ZNF281: variants seen among roughly 807,000 people sequenced by gnomAD.
The protein encoded by ZNF281 is GC-box-binding zinc finger protein 1.
In ZNF281, 2 loss-of-function variants were observed where a neutral mutation model predicts 58.8. The observed-to-expected ratio is 0.03, with a 90% CI of 0.01 to 0.11. The LOEUF (loss-of-function observed/expected upper bound fraction) is 0.11. ZNF281 is among the 10% of genes least tolerant of loss of function. The probability of loss-of-function intolerance (pLI) is 1.00; values close to 1 mark genes in which losing one functional copy is unlikely to be tolerated. For missense variants in ZNF281, 975 were observed against 1,090.7 expected, an observed-to-expected ratio of 0.89 and a Z score of 1.49; for synonymous variants, 465 against 407.7, an observed-to-expected ratio of 1.14 and a Z score of -1.69.
At position 200,407,266 on chromosome 1, in the gene ZNF281, T is replaced by C. The variant is rs777656143; in HGVS notation, c.2440A>G (p.Ile814Val). The part of the protein sequence containing the change: ...QIPSQELASQ[I>V]DPQKDIEPRT... ...GGCTCTATGTCTTTCTGAGGATCTA[T>C]CTGGCTAGCTAACTCCTGAGATGGA... The change falls in exon 2 of 2, where the codon ATA becomes GTA. Residue 814 changes from isoleucine (I) to valine (V), a missense_variant. Physicochemically the swap from Ile to Val is conservative, Grantham distance 29. This residue lies in a region of ZNF281 where 579 missense variants were observed against 608.9 expected (regional missense o/e 0.95). Transcript: ENST00000367353. The C allele has an allele frequency of 1.5e-5, 24 of 1,614,256 alleles. No homozygotes were observed. Among genetic ancestry groups the C allele is most frequent in the Non-Finnish European group, 1.9e-5 (22 of 1,180,052 alleles).
chr1:200,406,807 C>A lies in ZNF281; in HGVS notation c.*211G>T. On this transcript the variant is annotated 3_prime_UTR_variant, in exon 2 of 2. Coordinates refer to ENST00000367353, the MANE Select transcript of ZNF281 (RefSeq NM_001281293.2). Reference sequence around the variant, plus strand: ...TGCTAAACATTGTCACTTTGAATGTCAAACTATTTTTAATCTATTGATTTT... The same window carrying A: ...TGCTAAACATTGTCACTTTGAATGTAAAACTATTTTTAATCTATTGATTTT... 1 of 441,362 alleles carries A rather than the reference C, an allele frequency of 2.3e-6. No homozygotes were observed. The highest frequency in any genetic ancestry group is 3.9e-6 in the Non-Finnish European group (1 of 256,850). The allele number at this position is 441,362 out of a possible 1,614,324, so 27.3% of individuals were successfully genotyped here.
chr1:200,409,367 C>A lies in ZNF281; in HGVS notation c.339G>T (p.Ser113=), dbSNP rs374232799. 7.7e-5 allele frequency: 119 copies of A among 1,536,656 alleles called. 2 individuals carry two copies. The South Asian group carries it at 1.2e-3, about 16-fold the overall frequency. ...EPAASAAAFP[S]QRTSWGFLQS... ...GCAAGAACCCCCAGGAGGTCCTCTG[C>A]GAGGGGAAGGCCGCGGCTGACGCCG... The change falls in exon 2 of 2, where the codon TCG becomes TCT. Residue 113 remains serine, a synonymous_variant. Transcript: ENST00000367353.
At position 200,409,420 on chromosome 1, in the gene ZNF281, G is replaced by C. The variant is rs1467439933; in HGVS notation, c.286C>G (p.Pro96Ala). 6.6e-7 allele frequency: 1 copy of C among 1,522,562 alleles called. No homozygotes were observed. Among genetic ancestry groups the C allele is most frequent in the Non-Finnish European group, 8.8e-7 (1 of 1,132,510 alleles). The allele number at this position is 1,522,562 out of a possible 1,614,324, so 94.3% of individuals were successfully genotyped here. ...GGCTCCTTCTTGAAAGTCATGTCCGGGGCTGGCGGAGGGGGGGGCTCAGCG... is the reference window on the plus strand; with the variant it reads ...GGCTCCTTCTTGAAAGTCATGTCCGCGGCTGGCGGAGGGGGGGGCTCAGCG... Reference protein sequence around the residue: ...PAAEPPPPPAPDMTFKKEPAA... With the variant: ...PAAEPPPPPAADMTFKKEPAA... Residue 96 changes from proline (P) to alanine (A), a missense_variant, in exon 2 of 2, where the codon CCG becomes GCG. Around this residue, in one of 3 missense-constraint regions of ZNF281, gnomAD observed 370 missense variants for 360.9 expected, o/e 1.03. Transcript: ENST00000367353.
chr1:200,409,733 G>A lies in ZNF281; in HGVS notation c.-18-10C>T, dbSNP rs186400979. On this transcript the variant is annotated splice_polypyrimidine_tract_variant and intron_variant, in intron 1 of 1. Coordinates refer to ENST00000367353, the MANE Select transcript of ZNF281 (RefSeq NM_001281293.2). ...CCCGGAGGAGGCCTGGCTGAAGAAA[G>A]GAGGAGGAAGAGGGAAGAGGGAGGA... The A allele has an allele frequency of 5.2e-4, 824 of 1,591,874 alleles. 4 individuals carry two copies. Among genetic ancestry groups the A allele is most frequent in the East Asian group, 8.5e-4 (37 of 43,660 alleles).
Position 200,407,152 on chromosome 1 carries a change from T to C in ZNF281, c.2554A>G (p.Asn852Asp). 3 of 1,614,202 alleles carry C rather than the reference T, an allele frequency of 1.9e-6. No homozygotes were observed. Among genetic ancestry groups the C allele is most frequent in the Non-Finnish European group, 1.7e-6 (2 of 1,180,024 alleles). The stretch of plus-strand genomic sequence containing the variant: ...CTATGGTCCACTTCTCCATTAGAGT[T>C]AGTGATAAAGGTCATTGGCACCCTG... The part of the protein sequence containing the change: ...GSRVPMTFIT[N>D]SNGEVDHRVR... Residue 852 changes from asparagine (N) to aspartate (D), a missense_variant, in exon 2 of 2, where the codon AAC (asparagine) becomes GAC (aspartate). Asn to Asp is a conservative substitution (Grantham distance 23). This residue lies in a region of ZNF281 where 579 missense variants were observed against 608.9 expected (regional missense o/e 0.95). Coordinates refer to ENST00000367353, the MANE Select transcript of ZNF281 (RefSeq NM_001281293.2).
Position 200,407,559 on chromosome 1 carries a change from AAAG to A in ZNF281, c.2144_2146del (p.Pro715del). The A allele has an allele frequency of 1.9e-6, 3 of 1,614,214 alleles. No individual in the cohort carries two copies. The highest frequency in any genetic ancestry group is 2.5e-6 in the Non-Finnish European group (3 of 1,180,038). On this transcript the variant is annotated inframe_deletion, in exon 2 of 2. Coordinates refer to ENST00000367353, the MANE Select transcript of ZNF281 (RefSeq NM_001281293.2). The stretch of plus-strand genomic sequence containing the variant: ...AACAGATTGGCCGAAACCACACTCC[AAAG>A]GAGACGTAGTGTATATTTGTTTTTC...
rs914756851 is a variant in ZNF281 at position 200,409,461 on chromosome 1, G to A, written c.245C>T (p.Thr82Ile). The A allele has an allele frequency of 6.5e-7, 1 of 1,541,988 alleles. No individual in the cohort carries two copies. Among genetic ancestry groups the A allele is most frequent in the Non-Finnish European group, 8.8e-7 (1 of 1,141,694 alleles). ...GGGCTCAGCGGCCGGGGCTGCGGAG[G>A]TAGAGGAGGATAACACGCATTGCGG... ...PPPQCVLSSS[T>I]SAAPAAEPPP... The change falls in exon 2 of 2, where the codon ACC becomes ATC. Residue 82 changes from threonine to isoleucine, a missense_variant. Thr to Ile is a moderately conservative substitution (Grantham distance 89, BLOSUM62 -1). This residue lies in a region of ZNF281 where 370 missense variants were observed against 360.9 expected (regional missense o/e 1.03). Coordinates refer to ENST00000367353, the MANE Select transcript of ZNF281 (RefSeq NM_001281293.2).
rs140983887 is a variant in ZNF281 at position 200,406,278 on chromosome 1, C to CT, written c.*739dup. On this transcript the variant is annotated 3_prime_UTR_variant, in exon 2 of 2. Coordinates refer to ENST00000367353, the MANE Select transcript of ZNF281 (RefSeq NM_001281293.2). ...TTACAGTTGAGATCAAGAGAGGGTGCTTTTTTTTTTTCCTTCTTTTATTAA... is the reference window on the plus strand; with the variant it reads ...TTACAGTTGAGATCAAGAGAGGGTGCTTTTTTTTTTTTCCTTCTTTTATTAA... 1.6e-3 allele frequency: 231 copies of CT among 144,934 alleles called. No individual in the cohort carries two copies. The highest frequency in any genetic ancestry group is 3.2e-3 in the African/African-American group (129 of 39,698). The allele number at this position is 144,934 out of a possible 1,614,324, so 9.0% of individuals were successfully genotyped here.
At position 200,407,446 on chromosome 1, in the gene ZNF281, C is replaced by T. The variant is rs1654483380; in HGVS notation, c.2260G>A (p.Ala754Thr). ...GAAGGTGTCAACTGCTGATGTGTAGCATCCAAAGCAGACAAATAAAGACCT... is the reference window on the plus strand; with the variant it reads ...GAAGGTGTCAACTGCTGATGTGTAGTATCCAAAGCAGACAAATAAAGACCT... ...QPGLYLSALD[A>T]THQQLTPSQE... is the part of the protein sequence containing the mutation. The change falls in exon 2 of 2, where the codon GCT becomes ACT. Residue 754 changes from alanine to threonine, a missense_variant. Coordinates refer to ENST00000367353, the MANE Select transcript of ZNF281 (RefSeq NM_001281293.2). The T allele has an allele frequency of 6.2e-7, 1 of 1,614,052 alleles. No homozygotes were observed. The highest frequency in any genetic ancestry group is 8.5e-7 in the Non-Finnish European group (1 of 1,180,032).
Position 200,410,006 on chromosome 1 carries a change from C to G in ZNF281, c.-79G>C, listed in dbSNP as rs889679517. On this transcript the variant is annotated 5_prime_UTR_variant, in exon 1 of 2. Coordinates refer to ENST00000367353, the MANE Select transcript of ZNF281 (RefSeq NM_001281293.2). ...GTTAATAAAAATAACGCCGTCCTCT[C>G]CACAATGGAATTAAAAGCCTCCCGT... 1.8e-6 allele frequency: 1 copy of G among 551,272 alleles called. No individual in the cohort carries two copies. Among genetic ancestry groups the G allele is most frequent in the Non-Finnish European group, 3.2e-6 (1 of 311,712 alleles). 34.1% of individuals were successfully genotyped at this position (551,272 alleles called of 1,614,324 possible).
In ZNF281 at chr1:200,405,830, A is replaced by G. The variant is rs1228394003; in HGVS notation, c.*1188T>C. 6.6e-6 allele frequency: 1 copy of G among 150,936 alleles called. No individual in the cohort carries two copies. The highest frequency in any genetic ancestry group is 1.5e-5 in the Non-Finnish European group (1 of 67,860). 9.3% of individuals were successfully genotyped at this position (150,936 alleles called of 1,614,324 possible). A position where few individuals can be genotyped will look rare whatever the true frequency, so the allele number is the denominator to read the frequency against. ...ACCTTATTAATATCTATCCAAGAACACGGGGTTTTATTACATATGGAAATC... is the reference window on the plus strand; with the variant it reads ...ACCTTATTAATATCTATCCAAGAACGCGGGGTTTTATTACATATGGAAATC... On this transcript the variant is annotated 3_prime_UTR_variant, in exon 2 of 2. Transcript: ENST00000367353.
At position 200,407,828 on chromosome 1, in the gene ZNF281, G is replaced by A. The variant is rs1654495183; in HGVS notation, c.1878C>T (p.Phe626=). The change falls in exon 2 of 2, where the codon TTC becomes TTT. Residue 626 remains phenylalanine, a synonymous_variant. Coordinates refer to ENST00000367353, the MANE Select transcript of ZNF281 (RefSeq NM_001281293.2). ...NKSESQKEDP[F]NIAEPRVDLH... is the part of the protein sequence containing the mutation. Reference sequence around the variant, plus strand: ...AATCCACTCGTGGTTCTGCAATATTGAAAGGATCCTCTTTCTGGCTTTCTG... The same window carrying A: ...AATCCACTCGTGGTTCTGCAATATTAAAAGGATCCTCTTTCTGGCTTTCTG... 1.2e-6 allele frequency: 2 copies of A among 1,613,978 alleles called. No homozygotes were observed. Among genetic ancestry groups the A allele is most frequent in the South Asian group, 1.1e-5 (1 of 91,092 alleles).
chr1:200,405,893 G>A lies in ZNF281; in HGVS notation c.*1125C>T, dbSNP rs1272531298. 6.6e-6 allele frequency: 1 copy of A among 151,610 alleles called. No individual in the cohort carries two copies. Among genetic ancestry groups the A allele is most frequent in the Non-Finnish European group, 1.5e-5 (1 of 67,934 alleles). The allele number at this position is 151,610 out of a possible 1,614,324, so 9.4% of individuals were successfully genotyped here. A position where few individuals can be genotyped will look rare whatever the true frequency, so the allele number is the denominator to read the frequency against. ...TTTTTTTTTAAAGGTGGGTTTTGGG[G>A]ATGTTTACCCTATTGTTTTTTATTT... On this transcript the variant is annotated 3_prime_UTR_variant, in exon 2 of 2. Transcript: ENST00000367353.
At position 200,407,262 on chromosome 1, in the gene ZNF281, T is replaced by A; in HGVS notation, c.2444A>T (p.Asp815Val). ...IPSQELASQIDPQKDIEPRTT... is the reference protein window; with the variant it reads ...IPSQELASQIVPQKDIEPRTT... ...TCTAGGCTCTATGTCTTTCTGAGGA[T>A]CTATCTGGCTAGCTAACTCCTGAGA... is the stretch of plus-strand genomic sequence containing the variant. Residue 815 changes from aspartate to valine, a missense_variant, in exon 2 of 2, where the codon GAT (aspartate) becomes GTT (valine). Physicochemically the swap from Asp to Val is radical, Grantham distance 152 (BLOSUM62 -3). Coordinates refer to ENST00000367353, the MANE Select transcript of ZNF281 (RefSeq NM_001281293.2). 5 of 1,614,214 alleles carry A rather than the reference T, an allele frequency of 3.1e-6. No homozygotes were observed. The highest frequency in any genetic ancestry group is 4.2e-6 in the Non-Finnish European group (5 of 1,180,042).
chr1:200,408,336 T>C lies in ZNF281; in HGVS notation c.1370A>G (p.Glu457Gly), dbSNP rs1654514104. ...CAATTTTGGCACCCTCTTCTGCAGT[T>C]CATCTATTCCAGTGCCAATTATGCC... ...SGGIIGTGID[E>G]LQKRVPKLIF... Residue 457 changes from glutamate to glycine, a missense_variant, in exon 2 of 2, where the codon GAA becomes GGA. Glu to Gly is a moderately conservative substitution (Grantham distance 98). Coordinates refer to ENST00000367353, the MANE Select transcript of ZNF281 (RefSeq NM_001281293.2). 6.2e-7 allele frequency: 1 copy of C among 1,613,578 alleles called. No individual in the cohort carries two copies. The highest frequency in any genetic ancestry group is 1.3e-5 in the African/African-American group (1 of 74,938).
At chr1:200,409,829 C>T (rs1327820747) in intron 1 of ZNF281, 106 bp from the exon 2 acceptor site, 2 of 1,380,880 alleles carry the variant, frequency 1.4e-6, no homozygotes, top group East Asian at 2.5e-5. Flanking sequence ...GCCGCCCAGA[C>T]CGCAACGCGC....
chr1:200,408,375 A>T lies in ZNF281; in HGVS notation c.1331T>A (p.Val444Glu). The part of the protein sequence containing the change: ...MQSYSVEMPT[V>E]SSSGGIIGTG... The stretch of plus-strand genomic sequence containing the variant: ...GCCAATTATGCCTCCACTGGAAGAC[A>T]CGGTAGGCATTTCTACTGAGTAACT... The change falls in exon 2 of 2, where the codon GTG (valine) becomes GAG (glutamate). Residue 444 changes from valine (V) to glutamate (E), a missense_variant. This residue lies in a region of ZNF281 where 579 missense variants were observed against 608.9 expected (regional missense o/e 0.95). Coordinates refer to ENST00000367353, the MANE Select transcript of ZNF281 (RefSeq NM_001281293.2). 6.2e-7 allele frequency: 1 copy of T among 1,614,098 alleles called. No individual in the cohort carries two copies. The highest frequency in any genetic ancestry group is 1.1e-5 in the South Asian group (1 of 91,074).
chr1:200,410,018 T>C lies in ZNF281; in HGVS notation c.-91A>G, dbSNP rs1003381543. The C allele has an allele frequency of 3.9e-6, 2 of 511,482 alleles. No individual in the cohort carries two copies. The highest frequency in any genetic ancestry group is 7.3e-5 in the East Asian group (2 of 27,282). 31.7% of individuals were successfully genotyped at this position (511,482 alleles called of 1,614,324 possible). Reference sequence around the variant, plus strand: ...AACGCCGTCCTCTCCACAATGGAATTAAAAGCCTCCCGTGTACTGCGCAGC... The same window carrying C: ...AACGCCGTCCTCTCCACAATGGAATCAAAAGCCTCCCGTGTACTGCGCAGC... On this transcript the variant is annotated 5_prime_UTR_variant, in exon 1 of 2. Coordinates refer to ENST00000367353, the MANE Select transcript of ZNF281 (RefSeq NM_001281293.2).
At position 200,405,688 on chromosome 1, in the gene ZNF281, C is replaced by T. The variant is rs1654429509; in HGVS notation, c.*1330G>A. ...AAGACCCCTGTACAATACTAATGCA[C>T]CCTTTCATTAAAATGTACATTAAAG... On this transcript the variant is annotated 3_prime_UTR_variant, in exon 2 of 2. Coordinates refer to ENST00000367353, the MANE Select transcript of ZNF281 (RefSeq NM_001281293.2). 1 of 152,178 alleles carries T rather than the reference C, an allele frequency of 6.6e-6. No homozygotes were observed. Among genetic ancestry groups the T allele is most frequent in the South Asian group, 2.1e-4 (1 of 4,830 alleles). 9.4% of individuals were successfully genotyped at this position (152,178 alleles called of 1,614,324 possible). A position where few individuals can be genotyped will look rare whatever the true frequency, so the allele number is the denominator to read the frequency against.
Sources: allele counts gnomAD v4.1 joint callset, GRCh38; gene constraint gnomAD v4.1.1; regional missense constraint gnomAD v4.1.1; transcripts MANE v1.5; gene names NCBI Gene and HGNC (gene_info 2026-07-23, HGNC 2026-07-21).